The following DHX34 variants were observed in gnomAD, a reference collection of about 807,000 sequenced individuals.
DHX34 encodes the protein probable ATP-dependent RNA helicase DHX34.
A neutral mutation model predicts 111.1 loss-of-function variants in DHX34; 96 were observed. That is an observed-to-expected ratio of 0.86 (90% CI 0.73 to 1.02). The LOEUF is 1.02. Ranked by LOEUF, DHX34 falls within the 50% of genes least tolerant of loss-of-function variation. DHX34 has a pLI of 0.00. For missense variants in DHX34, 1,560 were observed against 1,579.9 expected (o/e 0.99, Z 0.21); for synonymous variants, 688 against 670.4 (o/e 1.03, Z -0.41).
At chr19:47,362,349 G>A (rs1969655157) in intron 5 of DHX34, 127 bp from the exon 6 acceptor site, 1 of 1,288,078 alleles carries the variant, frequency 7.8e-7, no homozygotes, top group African/African-American at 1.6e-5. Flanking sequence ...CCCAGAATAA[G>A]CCCTCAGTTA....
intron 15 of DHX34, 32 bp from the exon 16 acceptor site, chr19:47,381,154 G>T: frequency 6.2e-7 from 1 of 1,609,084 alleles, no homozygotes; most frequent in East Asian, 2.2e-5. Flanking sequence ...GCACTTGGCG[G>T]GGGCCCAGCC....
rs1378094572 is a variant in DHX34, at chr19:47,375,954, G to A, written c.2338G>A (p.Ala780Thr). 6.2e-7 allele frequency: 1 copy of A among 1,603,620 alleles called. No individual in the cohort carries two copies. The highest frequency in any genetic ancestry group is 2.2e-4 in the Middle Eastern group (1 of 4,590). The change falls in exon 11 of 17, where the codon GCG becomes ACG. Residue 780 changes from alanine (A) to threonine (T), a missense_variant. Ala to Thr is a moderately conservative substitution (Grantham distance 58, BLOSUM62 0). Coordinates refer to ENST00000328771, the MANE Select transcript of DHX34 (RefSeq NM_014681.6). ...GAAGTTCAAGCTTCGGCATGACCTGGCGCAGCTGCAGGCCGCTGCCAGCTC... is the reference window on the plus strand; with the variant it reads ...GAAGTTCAAGCTTCGGCATGACCTGACGCAGCTGCAGGCCGCTGCCAGCTC... ...DVKFKLRHDL[A>T]QLQAAASSAQ...
At chr19:47,372,469 T>C in intron 7 of DHX34, 1 of 388,772 alleles carries the variant, frequency 2.6e-6, no homozygotes. Flanking sequence ...GCTTAGACAG[T>C]ATCTCCTGTG....
chr19:47,372,902 C>T lies in DHX34; in HGVS notation c.1941C>T (p.Asn647=), dbSNP rs1178352823. The change falls in exon 8 of 17, where the codon AAC becomes AAT. Residue 647 remains asparagine, a synonymous_variant. Transcript: ENST00000328771. ...AGGGTGACCCCTTCACGCTCTTCAACGTCTTCAACGCCTGGGTGCAGGTGA... is the reference window on the plus strand; with the variant it reads ...AGGGTGACCCCTTCACGCTCTTCAATGTCTTCAACGCCTGGGTGCAGGTGA... ...SDQGDPFTLF[N]VFNAWVQVKS... is the part of the protein sequence containing the mutation. 1.0e-5 allele frequency: 16 copies of T among 1,603,258 alleles called. No homozygotes were observed. The Admixed American group carries it at 1.0e-4, about 10-fold the overall frequency.
At chr19:47,376,168 G>C (rs1405766494) in intron 11 of DHX34, 71 bp downstream of exon 11, 1 of 1,511,798 alleles carries the variant, frequency 6.6e-7, no homozygotes. Flanking sequence ...GTCCTGTGCC[G>C]GGAATGCAGT....
chr19:47,350,879 T>C (rs572553532), intron 1 of DHX34, among the ~76,000 whole-genome samples: 106 of 151,256 alleles, frequency 7.0e-4, no homozygotes, highest in African/African-American at 2.3e-3. Flanking sequence ...GGAAGAGAGA[T>C]GAGGGTGATG....
At chr19:47,370,783 C>A (rs1969941269) in intron 7 of DHX34, among the ~76,000 whole-genome samples, 1 of 152,124 alleles carries the variant, frequency 6.6e-6, no homozygotes, top group Non-Finnish European at 1.5e-5. Flanking sequence ...TTCAAGTGAT[C>A]CTCCCACCTC....
Position 47,353,494 on chromosome 19 carries a change from T to A in DHX34, c.464T>A (p.Leu155Gln). Residue 155 changes from leucine to glutamine, a missense_variant, in exon 2 of 17, where the codon CTG (leucine) becomes CAG (glutamine). By Grantham distance (113) the Leu-to-Gln change is moderately radical (BLOSUM62 -2). Transcript: ENST00000328771. This position sits in a 1 kb window ranked among gnomAD's most constrained non-coding sequence, Gnocchi z 4.6. ...QKQAFGRLAK[L>Q]QRERAALPIA... Reference sequence around the variant, plus strand: ...CAGGCATTTGGGCGTCTGGCCAAGCTGCAGCGTGAGCGGGCAGCCCTCCCC... The same window carrying A: ...CAGGCATTTGGGCGTCTGGCCAAGCAGCAGCGTGAGCGGGCAGCCCTCCCC... 1 of 1,614,026 alleles carries A rather than the reference T, an allele frequency of 6.2e-7. No individual in the cohort carries two copies. Among genetic ancestry groups the A allele is most frequent in the Non-Finnish European group, 8.5e-7 (1 of 1,179,994 alleles).
intron 6 of DHX34, 60 bp from the exon 7 acceptor site, chr19:47,366,921 G>T: frequency 6.9e-7 from 1 of 1,444,864 alleles, no homozygotes; most frequent in South Asian, 1.5e-5. Flanking sequence ...TCTGAGCCCC[G>T]CTGTGCTGCA....
chr19:47,361,738 C>T (rs1599759419), intron 5 of DHX34, among the ~76,000 whole-genome samples: 1 of 152,142 alleles, frequency 6.6e-6, no homozygotes, highest in African/African-American at 2.4e-5. Flanking sequence ...TGCCATTGCA[C>T]TCCAGCCTGG....
intron 11 of DHX34, 141 bp from the exon 12 acceptor site, chr19:47,376,302 A>T (rs1172542490): frequency 6.6e-7 from 1 of 1,504,874 alleles, no homozygotes; most frequent in Middle Eastern, 2.0e-4. Flanking sequence ...AGGAGCCCAC[A>T]GGGGGCATCT....
chr19:47,354,050 C>T (rs905022225), intron 2 of DHX34, among the ~76,000 whole-genome samples: 11 of 152,130 alleles, frequency 7.2e-5, no homozygotes, highest in Non-Finnish European at 1.5e-5. Flanking sequence ...GCAACCTCTG[C>T]CTCCCGGGTT....
Position 47,353,077 on chromosome 19 carries a change from A to G in DHX34, c.47A>G (p.His16Arg). 1.2e-6 allele frequency: 2 copies of G among 1,614,008 alleles called. No homozygotes were observed. Among genetic ancestry groups the G allele is most frequent in the Non-Finnish European group, 1.7e-6 (2 of 1,179,916 alleles). The change falls in exon 2 of 17, where the codon CAC (histidine) becomes CGC (arginine). Residue 16 changes from histidine to arginine, a missense_variant. Physicochemically the swap from His to Arg is conservative, Grantham distance 29 (BLOSUM62 0). Coordinates refer to ENST00000328771, the MANE Select transcript of DHX34 (RefSeq NM_014681.6). The surrounding 1 kb of genome is among the most constrained non-coding windows in gnomAD (Gnocchi z 4.6). ...TREGRDRRDH[H>R]RAPSEEEALE... ...GAGGGCAGGGATCGCCGAGACCACC[A>G]CCGGGCTCCCAGCGAGGAAGAGGCC...
intron 6 of DHX34, among the ~76,000 whole-genome samples, chr19:47,363,902 C>T (rs548748140): frequency 6.6e-6 from 1 of 151,872 alleles, no homozygotes; most frequent in Admixed American, 6.6e-5. Flanking sequence ...AACAGGAAAC[C>T]TAGCAGGAAA....
At chr19:47,377,333 C>T (rs1454197521) in intron 13 of DHX34, 127 bp downstream of exon 13, 8 of 965,042 alleles carry the variant, frequency 8.3e-6, no homozygotes, top group Admixed American at 5.5e-5. Context: ...AGGCGTCAGC[C>T]TTGGGCCGTT....
chr19:47,381,784 T>G, intron 16 of DHX34, 196 bp from the exon 17 acceptor site: 1 of 883,606 alleles, frequency 1.1e-6, no homozygotes, highest in Non-Finnish European at 1.4e-6. Context: ...TCTCTGTCTC[T>G]CTCACTGGCA....
In DHX34 at chr19:47,375,910, C is replaced by T. The variant is rs373497047; in HGVS notation, c.2308-14C>T. 355 of 1,594,198 alleles carry T rather than the reference C, an allele frequency of 2.2e-4. No individual in the cohort carries two copies. Among genetic ancestry groups the T allele is most frequent in the Middle Eastern group, 1.3e-3 (6 of 4,458 alleles). On this transcript the variant is annotated splice_polypyrimidine_tract_variant and intron_variant, in intron 10 of 16. Coordinates refer to ENST00000328771, the MANE Select transcript of DHX34 (RefSeq NM_014681.6). ...CAGGTCCCCTAAGACTCTGCCTCCCCGTGCTCCCCCCAGGATGTGAAGTTC... is the reference window on the plus strand; with the variant it reads ...CAGGTCCCCTAAGACTCTGCCTCCCTGTGCTCCCCCCAGGATGTGAAGTTC...
intron 2 of DHX34, 68 bp from the exon 3 acceptor site, chr19:47,354,971 T>C: frequency 6.4e-7 from 1 of 1,570,466 alleles, no homozygotes; most frequent in South Asian, 1.2e-5. Context: ...ATTTTCAATT[T>C]GGGCAGGGCC....
chr19:47,363,061 C>T (rs1382571347), intron 6 of DHX34, among the ~76,000 whole-genome samples: 2 of 152,136 alleles, frequency 1.3e-5, no homozygotes, highest in African/African-American at 4.8e-5. Context: ...AGTGATTCTC[C>T]TGCCTCAGCC....
Sources: allele counts gnomAD v4.1 joint callset (sites outside exome capture counted in the v4.1 genomes callset), GRCh38; gene constraint gnomAD v4.1.1; non-coding constraint Gnocchi (gnomAD v3.1); transcripts MANE v1.5; gene names NCBI Gene and HGNC (gene_info 2026-07-23, HGNC 2026-07-21).